Variants in DLG2 observed in about 807,000 individuals in gnomAD.
The protein encoded by DLG2 is discs large MAGUK scaffold protein 2, also known as disks large homolog 2.
In DLG2, 45 loss-of-function variants were observed where a neutral mutation model predicts 132.5. The observed-to-expected ratio is 0.34, with a 90% confidence interval of 0.27 to 0.44. The LOEUF is 0.44. Among genes scored for constraint, DLG2 ranks in the 20% least tolerant of loss-of-function variants. DLG2 has a pLI of 1.00. For missense variants in DLG2, 1,045 were observed against 1,196.9 expected, an observed-to-expected ratio of 0.87 and a Z score of 1.87; for synonymous variants, 424 against 419.6, an observed-to-expected ratio of 1.01 and a Z score of -0.13.
chr11:83,771,648 A>C (rs2094397480), intron 18 of DLG2, among the ~76,000 whole-genome samples: 1 of 152,220 alleles, frequency 6.6e-6, no homozygotes, highest in South Asian at 2.1e-4. Context: ...TACTATAAAC[A>C]TATGGTATTA....
chr11:84,434,074 T>C (rs958554893), intron 7 of DLG2, among the ~76,000 whole-genome samples: 2 of 150,946 alleles, frequency 1.3e-5, no homozygotes, highest in South Asian at 2.1e-4. Flanking sequence ...TAAGCAGTGA[T>C]TGTGCCACTG....
chr11:83,908,865 C>T (rs1445861605), intron 15 of DLG2, among the ~76,000 whole-genome samples: 1 of 152,108 alleles, frequency 6.6e-6, no homozygotes, highest in Non-Finnish European at 1.5e-5. Context: ...TCCCCAGTAG[C>T]TAGGACTATA....
At chr11:84,923,348 A>G (rs1383344021) in intron 6 of DLG2, 8 of 1,210,802 alleles carry the variant, frequency 6.6e-6, no homozygotes, top group Middle Eastern at 3.3e-4. Context: ...AGTAATTTCA[A>G]TTAGATGAGA....
chr11:83,850,861 G>C (rs1319402801), intron 16 of DLG2, among the ~76,000 whole-genome samples: 1 of 152,118 alleles, frequency 6.6e-6, no homozygotes, highest in Admixed American at 6.5e-5. Flanking sequence ...ATTATGTGTT[G>C]AATTTTGTGT....
chr11:84,702,118 T>C (rs1477802301), intron 6 of DLG2, among the ~76,000 whole-genome samples: 1 of 151,642 alleles, frequency 6.6e-6, no homozygotes, highest in Non-Finnish European at 1.5e-5. Flanking sequence ...AAATAAATCA[T>C]CAATAACATC....
At chr11:83,897,402 A>C (rs908573084) in intron 15 of DLG2, among the ~76,000 whole-genome samples, 8 of 152,250 alleles carry the variant, frequency 5.3e-5, no homozygotes, top group African/African-American at 1.9e-4. Flanking sequence ...TTTGTTTTCC[A>C]ATGCCTTTAA....
chr11:83,977,117 TG>T (rs1439247194), intron 12 of DLG2, among the ~76,000 whole-genome samples: 1 of 152,010 alleles, frequency 6.6e-6, no homozygotes, highest in African/African-American at 2.4e-5. Flanking sequence ...CTACATATTT[TG>T]AACATCTACT....
Position 84,099,036 on chromosome 11 carries a change from G to A in DLG2, c.636C>T (p.Gly212=). The change falls in exon 10 of 28, where the codon GGC becomes GGT. Residue 212 remains glycine, a synonymous_variant. Coordinates refer to ENST00000376104, the MANE Select transcript of DLG2 (RefSeq NM_001142699.3). ...TCCCCCCAGCAATACTGAATCCCAG[G>A]CCAGAATTCCCCTATAGAAACAAAA... The part of the protein sequence containing the change: ...EEITLERGNS[G]LGFSIAGGTD... 2 of 1,612,982 alleles carry A rather than the reference G, an allele frequency of 1.2e-6. No homozygotes were observed. The highest frequency in any genetic ancestry group is 2.2e-5 in the East Asian group (1 of 44,866).
At chr11:84,679,833 C>A (rs1313788419) in intron 6 of DLG2, among the ~76,000 whole-genome samples, 4 of 151,858 alleles carry the variant, frequency 2.6e-5, no homozygotes, top group Non-Finnish European at 5.9e-5. Context: ...GATCCAGACC[C>A]CAGACTCTTA....
chr11:84,416,922 G>A (rs768011246), intron 7 of DLG2, among the ~76,000 whole-genome samples: 4 of 152,144 alleles, frequency 2.6e-5, no homozygotes, highest in South Asian at 4.1e-4. Context: ...TTTTCTTGGG[G>A]AATTGAAAAG....
At chr11:83,914,005 A>G (rs2076500104) in intron 15 of DLG2, among the ~76,000 whole-genome samples, 1 of 152,192 alleles carries the variant, frequency 6.6e-6, no homozygotes, top group Admixed American at 6.5e-5. Context: ...ACTGGAGATA[A>G]TATGGAAAGA....
chr11:84,418,671 G>A (rs2098938114), intron 7 of DLG2, among the ~76,000 whole-genome samples: 1 of 152,118 alleles, frequency 6.6e-6, no homozygotes, highest in Admixed American at 6.5e-5. Flanking sequence ...ACTACAGCAT[G>A]CAAGGCTTTC....
chr11:84,319,449 TATC>T (rs1008592172), intron 7 of DLG2, among the ~76,000 whole-genome samples: 2 of 152,222 alleles, frequency 1.3e-5, no homozygotes, highest in African/African-American at 4.8e-5. Context: ...TTTAGGCAGA[TATC>T]ATTGCACAAG....
At chr11:83,717,118 G>C (rs1003575096) in intron 18 of DLG2, among the ~76,000 whole-genome samples, 1 of 152,060 alleles carries the variant, frequency 6.6e-6, no homozygotes, top group East Asian at 1.9e-4. Context: ...TGGAGCTCCT[G>C]TCTTTTCGAG....
chr11:85,145,692 A>C (rs1271640137), intron 5 of DLG2, among the ~76,000 whole-genome samples: 2 of 152,006 alleles, frequency 1.3e-5, no homozygotes, highest in Non-Finnish European at 2.9e-5. Flanking sequence ...AAATTATTTC[A>C]ATCTGCTTGT....
chr11:84,275,753 A>T (rs2097777826), intron 7 of DLG2, among the ~76,000 whole-genome samples: 2 of 152,246 alleles, frequency 1.3e-5, no homozygotes, highest in African/African-American at 4.8e-5. Flanking sequence ...ATCAGCACAA[A>T]TAACAAAAAG....
chr11:84,479,838 A>G (rs2099131960), intron 7 of DLG2, among the ~76,000 whole-genome samples: 1 of 152,186 alleles, frequency 6.6e-6, no homozygotes, highest in Non-Finnish European at 1.5e-5. Flanking sequence ...TAAAAAATAT[A>G]ATAAACTGAA....
intron 9 of DLG2, among the ~76,000 whole-genome samples, chr11:84,152,596 C>G (rs1302781977): frequency 1.3e-5 from 2 of 152,072 alleles, no homozygotes; most frequent in African/African-American, 4.8e-5. Flanking sequence ...CCATGTTAGC[C>G]AGGATGGTCT....
In DLG2 at chr11:85,347,716, C is replaced by A. The variant is rs977807624; in HGVS notation, c.41-62351G>T. ...GATTTTTTAGCAAAACTTCAGAGGG[C>A]AAAGGGGAAGTTTTCCCGTGTCTCC... On this transcript the variant is annotated intron_variant, in intron 3 of 27. Coordinates refer to ENST00000376104, the MANE Select transcript of DLG2 (RefSeq NM_001142699.3). Among the ~76,000 whole-genome samples the A allele has an allele frequency of 2.0e-5, 3 of 151,036 alleles. No individual in the cohort carries two copies. The East Asian group carries it at 5.8e-4, about 29-fold the overall frequency.
Sources: allele counts gnomAD v4.1 joint callset (sites outside exome capture counted in the v4.1 genomes callset), GRCh38; gene constraint gnomAD v4.1.1; transcripts MANE v1.5; gene names NCBI Gene and HGNC (gene_info 2026-07-23, HGNC 2026-07-21).